The following TAFA4 variants were observed in gnomAD, a reference collection of about 807,000 sequenced individuals.
TAFA4 encodes the protein TAFA chemokine like family member 4.
A neutral mutation model predicts 21.1 loss-of-function variants in TAFA4; 20 were observed. That is an observed-to-expected ratio of 0.95 (90% CI 0.67 to 1.38). TAFA4 has a LOEUF of 1.38. TAFA4 is among the 40% of genes most tolerant of loss of function. The pLI, the probability that TAFA4 is intolerant of heterozygous loss-of-function variation, is 0.00. For missense variants in TAFA4, 211 were observed against 180.9 expected (o/e 1.17, Z -0.95); for synonymous variants, 71 against 67.4 (o/e 1.05, Z -0.26).
chr3:68,807,150 C>G (rs937066802), intron 3 of TAFA4, among the ~76,000 whole-genome samples: 1 of 152,218 alleles, frequency 6.6e-6, no homozygotes, highest in South Asian at 2.1e-4. Flanking sequence ...AGCTAATCCA[C>G]AGGCTGGCTA....
At chr3:68,785,735 G>A (rs908867024) in intron 3 of TAFA4, among the ~76,000 whole-genome samples, 2 of 152,246 alleles carry the variant, frequency 1.3e-5, no homozygotes, top group African/African-American at 4.8e-5. Flanking sequence ...GCAGGCTGAA[G>A]GGCTCCTCAA....
intron 1 of TAFA4, among the ~76,000 whole-genome samples, chr3:68,918,491 T>C (rs572825501): frequency 7.2e-5 from 11 of 152,354 alleles, no homozygotes; most frequent in African/African-American, 2.4e-4. Context: ...TTGCAAGCTA[T>C]GTCTAATTTT....
intron 3 of TAFA4, among the ~76,000 whole-genome samples, chr3:68,755,924 C>A (rs949680658): frequency 2.0e-5 from 3 of 152,212 alleles, no homozygotes; most frequent in Non-Finnish European, 2.9e-5. Flanking sequence ...ATCATCTGTC[C>A]TGGGGAAACC....
At chr3:68,925,398 T>C (rs2090098634) in intron 1 of TAFA4, among the ~76,000 whole-genome samples, 1 of 152,232 alleles carries the variant, frequency 6.6e-6, no homozygotes, top group Non-Finnish European at 1.5e-5. Flanking sequence ...CAAAGATTAC[T>C]ATTCCAGTGA....
In TAFA4 at chr3:68,753,800, A is replaced by T. The variant is rs1011273991; in HGVS notation, c.131-782T>A. ...AAGGAAATGGAGATCTCAGTCCTACAACCTCAAGAACTGCCAATAACCAGA... is the reference window on the plus strand; with the variant it reads ...AAGGAAATGGAGATCTCAGTCCTACTACCTCAAGAACTGCCAATAACCAGA... On this transcript the variant is annotated intron_variant, in intron 3 of 5. Coordinates refer to ENST00000295569, the MANE Select transcript of TAFA4 (RefSeq NM_182522.5). Among the ~76,000 whole-genome samples, 29 of 152,204 alleles carry T rather than the reference A, an allele frequency of 1.9e-4. 1 individual carries two copies. The highest frequency in any genetic ancestry group is 1.0e-4 in the Non-Finnish European group (7 of 68,024).
chr3:68,763,449 A>C (rs13075703), intron 3 of TAFA4, among the ~76,000 whole-genome samples: 104,602 of 151,862 alleles, frequency 0.69, 36,534 homozygotes, highest in East Asian at 0.99. Flanking sequence ...AGGAAAATTT[A>C]TCATCTGCTT....
intron 3 of TAFA4, among the ~76,000 whole-genome samples, chr3:68,855,211 A>T (rs1705044609): frequency 6.6e-6 from 1 of 152,232 alleles, no homozygotes; most frequent in Non-Finnish European, 1.5e-5. Context: ...CTAATTTACA[A>T]AAAAGAAAAA....
intron 4 of TAFA4, among the ~76,000 whole-genome samples, chr3:68,740,290 C>G (rs917960288): frequency 6.6e-6 from 1 of 152,154 alleles, no homozygotes; most frequent in Non-Finnish European, 1.5e-5. Context: ...AATGGTATTG[C>G]AACTGGTTCT....
In TAFA4 at chr3:68,825,221, C is replaced by A. The variant is rs184828191; in HGVS notation, c.130+55509G>T. Among the ~76,000 whole-genome samples the A allele has an allele frequency of 6.6e-5, 10 of 152,250 alleles. No homozygotes were observed. The East Asian group carries it at 1.9e-3, about 29-fold the overall frequency. On this transcript the variant is annotated intron_variant, in intron 3 of 5. Transcript: ENST00000295569. ...TCTCCCACTTATAAGTGAGAACATGCAGTGTTTGGTTTTTCTGTTCCTGTG... is the reference window on the plus strand; with the variant it reads ...TCTCCCACTTATAAGTGAGAACATGAAGTGTTTGGTTTTTCTGTTCCTGTG...
At chr3:68,821,380 G>GCT (rs1312631651) in intron 3 of TAFA4, among the ~76,000 whole-genome samples, 1 of 12,868 alleles carries the variant, frequency 7.8e-5, no homozygotes, top group Non-Finnish European at 1.2e-4. Flanking sequence ...ACGGAGTCTC[G>GCT]CTGTCGCCCA....
intron 3 of TAFA4, among the ~76,000 whole-genome samples, chr3:68,816,171 G>C (rs867645461): frequency 2.6e-5 from 4 of 152,082 alleles, no homozygotes; most frequent in South Asian, 2.1e-4. Flanking sequence ...GTTGTGGAGT[G>C]GGGGGAGGGA....
At chr3:68,811,094 G>A (rs967522868) in intron 3 of TAFA4, among the ~76,000 whole-genome samples, 1 of 152,162 alleles carries the variant, frequency 6.6e-6, no homozygotes, top group Admixed American at 6.5e-5. Flanking sequence ...AACTCCAACA[G>A]ACCTGCAGCT....
At chr3:68,842,228 T>C (rs546457882) in intron 3 of TAFA4, among the ~76,000 whole-genome samples, 8 of 152,206 alleles carry the variant, frequency 5.3e-5, no homozygotes, top group Non-Finnish European at 1.0e-4. Context: ...GACTTTTTAA[T>C]GATCACCATT....
intron 3 of TAFA4, among the ~76,000 whole-genome samples, chr3:68,754,360 ACTC>A (rs758935347): frequency 6.6e-6 from 1 of 151,960 alleles, no homozygotes; most frequent in Non-Finnish European, 1.5e-5. Context: ...TTATTCAGAA[ACTC>A]CTCCTCAGTC....
In TAFA4 at chr3:68,786,043, T is replaced by G. The variant is rs192499430; in HGVS notation, c.131-33025A>C. On this transcript the variant is annotated intron_variant, in intron 3 of 5. Transcript: ENST00000295569. ...TCAATAGGGGACTGGTTAAATAAAC[T>G]ACGTTAAGTCCCCACAATGCAGGAA... 1.7e-3 allele frequency among the ~76,000 whole-genome samples: 261 copies of G among 152,284 alleles called. 3 individuals are homozygous for G. Among genetic ancestry groups the G allele is most frequent in the African/African-American group, 6.1e-3 (255 of 41,552 alleles).
chr3:68,739,713 T>C (rs1702312321), intron 4 of TAFA4, among the ~76,000 whole-genome samples: 1 of 152,036 alleles, frequency 6.6e-6, no homozygotes, highest in Non-Finnish European at 1.5e-5. Flanking sequence ...TGAAATCCTG[T>C]CTTTTACAGC....
At chr3:68,809,408 T>C (rs551634800) in intron 3 of TAFA4, among the ~76,000 whole-genome samples, 3 of 152,340 alleles carry the variant, frequency 2.0e-5, no homozygotes, top group African/African-American at 7.2e-5. Flanking sequence ...GTTACTTGTC[T>C]AGAAATATAA....
At chr3:68,745,158 C>CTGA (rs1702433729) in intron 4 of TAFA4, among the ~76,000 whole-genome samples, 1 of 152,168 alleles carries the variant, frequency 6.6e-6, no homozygotes, top group Non-Finnish European at 1.5e-5. Context: ...TAAGAACCCA[C>CTGA]TGAGGGCTCG....
chr3:68,859,466 T>A (rs1224211470), intron 3 of TAFA4, among the ~76,000 whole-genome samples: 2 of 152,146 alleles, frequency 1.3e-5, no homozygotes, highest in Non-Finnish European at 2.9e-5. Flanking sequence ...CAGAACTCAG[T>A]CTCAAAATCC....
Sources: allele counts gnomAD v4.1 joint callset (sites outside exome capture counted in the v4.1 genomes callset), GRCh38; gene constraint gnomAD v4.1.1; transcripts MANE v1.5; gene names NCBI Gene and HGNC (gene_info 2026-07-23, HGNC 2026-07-21).